LRBA: variants seen among roughly 807,000 people sequenced by gnomAD.
LRBA encodes the protein LPS responsive beige-like anchor protein.
LRBA carries 176 observed loss-of-function variants against 330.0 expected under a neutral mutation model. The ratio of observed to expected loss-of-function variants is 0.53; its 90% confidence interval spans 0.47 to 0.60. LRBA has a LOEUF of 0.60. LRBA is among the 20% of genes least tolerant of loss of function. The pLI, the probability that LRBA is intolerant of heterozygous loss-of-function variation, is 0.00. For missense variants in LRBA, 3,259 were observed against 3,444.8 expected (o/e 0.95, Z 1.35); for synonymous variants, 1,230 against 1,193.0 (o/e 1.03, Z -0.64).
At chr4:150,739,466 G>A (rs1246643067) in intron 35 of LRBA, among the ~76,000 whole-genome samples, 2 of 152,086 alleles carry the variant, frequency 1.3e-5, no homozygotes, top group African/African-American at 4.8e-5. Context: ...GAAATAACAG[G>A]ATACAGATCA....
At chr4:150,637,885 A>T (rs949307038) in intron 37 of LRBA, among the ~76,000 whole-genome samples, 3 of 152,128 alleles carry the variant, frequency 2.0e-5, no homozygotes, top group Non-Finnish European at 4.4e-5. Context: ...TAAGCTTTAG[A>T]GTGATTTGTA....
chr4:150,717,729 T>TA lies in LRBA; in HGVS notation c.5754+17528dup, dbSNP rs201155953. On this transcript the variant is annotated intron_variant, in intron 36 of 56. Coordinates refer to ENST00000651943, the MANE Select transcript of LRBA (RefSeq NM_001364905.1). ...CAGTGCTTTCATGGTCTTTATTTAA[T>TA]AAAAAAAAATACTCCATTTTTATTA... Among the ~76,000 whole-genome samples, 309 of 124,838 alleles carry TA rather than the reference T, an allele frequency of 2.5e-3. 2 individuals are homozygous for TA. Among genetic ancestry groups the TA allele is most frequent in the Admixed American group, 7.1e-3 (88 of 12,362 alleles). 81.9% of individuals were successfully genotyped at this position (124,838 alleles called of 152,430 possible). A position where few individuals can be genotyped will look rare whatever the true frequency, so the allele number is the denominator to read the frequency against.
rs370490730 is a variant in LRBA, at chr4:150,391,475, C to T, written c.7194+23963G>A. Among the ~76,000 whole-genome samples, 12 of 151,988 alleles carry T rather than the reference C, an allele frequency of 7.9e-5. 1 individual carries two copies. Among genetic ancestry groups the T allele is most frequent in the African/African-American group, 2.9e-4 (12 of 41,424 alleles). The stretch of plus-strand genomic sequence containing the variant: ...AAAGGCAATATGATCAGATGGAAGC[C>T]CTAAAAGATCAATTACACTCAAACA... On this transcript the variant is annotated intron_variant, in intron 47 of 56. Coordinates refer to ENST00000651943, the MANE Select transcript of LRBA (RefSeq NM_001364905.1).
chr4:150,913,238 C>T (rs1466889919), intron 9 of LRBA, among the ~76,000 whole-genome samples: 2 of 152,272 alleles, frequency 1.3e-5, no homozygotes, highest in African/African-American at 4.8e-5. Flanking sequence ...GAAGCCGAGG[C>T]GGGCGGATCA....
At chr4:150,401,156 T>A (rs2151927557) in intron 47 of LRBA, among the ~76,000 whole-genome samples, 1 of 152,304 alleles carries the variant, frequency 6.6e-6, no homozygotes, top group African/African-American at 2.4e-5. Context: ...GAAGGACCTA[T>A]CAGAAGCTCG....
rs770004291 is a variant in LRBA at position 150,849,592 on chromosome 4, G to C, written c.4005-17C>G. The C allele has an allele frequency of 1.4e-5, 23 of 1,595,970 alleles. No homozygotes were observed. In the Admixed American group the frequency reaches 3.9e-4, roughly 27 times the overall value. On this transcript the variant is annotated splice_polypyrimidine_tract_variant and intron_variant, in intron 24 of 56. Transcript: ENST00000651943. ...GTTGAATGGCTGTCCAAAGATAAATGATATTTACTGATAAAGCTAAAGAAA... is the reference window on the plus strand; with the variant it reads ...GTTGAATGGCTGTCCAAAGATAAATCATATTTACTGATAAAGCTAAAGAAA...
In LRBA at chr4:150,445,406, T is replaced by C. The variant is rs904747967; in HGVS notation, c.6781-8542A>G. 2.3e-4 allele frequency among the ~76,000 whole-genome samples: 31 copies of C among 137,058 alleles called. No individual in the cohort carries two copies. In the South Asian group the frequency reaches 5.4e-3, roughly 24 times the overall value. 89.9% of individuals were successfully genotyped at this position (137,058 alleles called of 152,430 possible). ...ATATATATATATATATATATATATA[T>C]ATATACATATATACACACACACATA... On this transcript the variant is annotated intron_variant, in intron 44 of 56. Coordinates refer to ENST00000651943, the MANE Select transcript of LRBA (RefSeq NM_001364905.1).
At chr4:151,012,019 A>G (rs989146903) in intron 2 of LRBA, among the ~76,000 whole-genome samples, 5 of 152,150 alleles carry the variant, frequency 3.3e-5, no homozygotes, top group Admixed American at 3.3e-4. Flanking sequence ...AATCCATGAA[A>G]GAGCATGAAA....
At chr4:150,782,162 C>T (rs1422829497) in intron 34 of LRBA, among the ~76,000 whole-genome samples, 2 of 152,188 alleles carry the variant, frequency 1.3e-5, no homozygotes, top group African/African-American at 4.8e-5. Context: ...CCACCTCAGC[C>T]TCCCAAAGTG....
chr4:150,683,941 A>G, intron 36 of LRBA: 1 of 441,224 alleles, frequency 2.3e-6, no homozygotes, highest in Non-Finnish European at 4.0e-6. Flanking sequence ...AGTGGTAAAC[A>G]TTCAAGTAGA....
At chr4:150,855,421 G>A (rs1444865279) in intron 22 of LRBA, among the ~76,000 whole-genome samples, 1 of 152,156 alleles carries the variant, frequency 6.6e-6, no homozygotes, top group Non-Finnish European at 1.5e-5. Flanking sequence ...ACAATAGCCT[G>A]TGTTATAGAA....
At chr4:150,317,832 T>C (rs1731918667) in intron 50 of LRBA, among the ~76,000 whole-genome samples, 1 of 152,184 alleles carries the variant, frequency 6.6e-6, no homozygotes, top group Non-Finnish European at 1.5e-5. Context: ...TTCAATTTCC[T>C]GATCTATAAA....
chr4:150,440,055 G>C (rs1751620662), intron 44 of LRBA, among the ~76,000 whole-genome samples: 1 of 152,108 alleles, frequency 6.6e-6, no homozygotes, highest in African/African-American at 2.4e-5. Flanking sequence ...AGTATATTAA[G>C]AGTCAAAATT....
chr4:150,294,866 G>A (rs927282645), intron 53 of LRBA, among the ~76,000 whole-genome samples: 3 of 152,088 alleles, frequency 2.0e-5, no homozygotes, highest in Non-Finnish European at 4.4e-5. Flanking sequence ...CAGGAGAATT[G>A]CTTGAACCTG....
intron 36 of LRBA, among the ~76,000 whole-genome samples, chr4:150,717,568 G>A (rs548695658): frequency 6.6e-6 from 1 of 151,578 alleles, no homozygotes; most frequent in Admixed American, 6.6e-5. Flanking sequence ...GCTGAGGTGG[G>A]AAGATCACTT....
At chr4:150,838,864 G>C (rs150398745) in intron 28 of LRBA, among the ~76,000 whole-genome samples, 1 of 152,164 alleles carries the variant, frequency 6.6e-6, no homozygotes, top group Non-Finnish European at 1.5e-5. Flanking sequence ...AGGGGGAGAG[G>C]TGCTCTGATT....
rs536146301 is a variant in LRBA, at chr4:150,603,615, TC to T, written c.5922-4485del. 9.2e-5 allele frequency among the ~76,000 whole-genome samples: 14 copies of T among 152,146 alleles called. No homozygotes were observed. In the South Asian group the frequency reaches 2.3e-3, roughly 25 times the overall value. On this transcript the variant is annotated intron_variant, in intron 37 of 56. Coordinates refer to ENST00000651943, the MANE Select transcript of LRBA (RefSeq NM_001364905.1). ...CTCAAAAGATTCTCCTGCCTCATCC[TC>T]CCCAGTAACTGAGACATCCTCCCCA...
At chr4:150,289,177 AT>A (rs201046002) in intron 53 of LRBA, among the ~76,000 whole-genome samples, 1 of 151,982 alleles carries the variant, frequency 6.6e-6, no homozygotes. Context: ...TATAAGCATT[AT>A]TTTTTTTGTA....
At chr4:150,452,588 C>T (rs1753488798) in intron 44 of LRBA, among the ~76,000 whole-genome samples, 1 of 149,760 alleles carries the variant, frequency 6.7e-6, no homozygotes, top group Non-Finnish European at 1.5e-5. Context: ...CACCACTGCA[C>T]TCCAGCCTGT....
Sources: gnomAD v4.1 joint callset for allele counts (sites outside exome capture counted in the v4.1 genomes callset) on GRCh38, gnomAD v4.1.1 for gene constraint, MANE v1.5 for transcripts, NCBI Gene and HGNC (gene_info 2026-07-23, HGNC 2026-07-21) for gene names.